Variants in PSPC1 observed in about 807,000 individuals in gnomAD.
PSPC1 encodes paraspeckle component 1, also known as paraspeckle protein 1.
In PSPC1, 14 loss-of-function variants were observed where a neutral mutation model predicts 51.6. The ratio of observed to expected loss-of-function variants is 0.27; its 90% confidence interval spans 0.18 to 0.42. The LOEUF (loss-of-function observed/expected upper bound fraction) is 0.42, where lower values mean the gene tolerates loss of function less well. PSPC1 is among the 10% of genes least tolerant of loss of function. PSPC1 has a pLI of 1.00. For synonymous variants in PSPC1, 193 were observed against 231.9 expected, an observed-to-expected ratio of 0.83 and a Z score of 1.53; for missense variants, 406 against 701.1, an observed-to-expected ratio of 0.58 and a Z score of 4.75.
chr13:19,754,503 T>C (rs962504689), intron 3 of PSPC1, among the ~76,000 whole-genome samples: 3 of 143,732 alleles, frequency 2.1e-5, no homozygotes, highest in African/African-American at 7.8e-5. Context: ...CAGGCTGGAG[T>C]GCAGTGGCAC....
chr13:19,758,738 G>A (rs1228791617), intron 3 of PSPC1, among the ~76,000 whole-genome samples: 1 of 151,912 alleles, frequency 6.6e-6, no homozygotes, highest in Non-Finnish European at 1.5e-5. Context: ...GGGAGGCTGA[G>A]GAAGGAGAAT....
At chr13:19,755,432 A>G (rs1328781828) in intron 3 of PSPC1, among the ~76,000 whole-genome samples, 3 of 151,920 alleles carry the variant, frequency 2.0e-5, no homozygotes, top group Non-Finnish European at 4.4e-5. Flanking sequence ...TACTAAAAAT[A>G]CAACAATTAG....
At chr13:19,722,312 C>T (rs1264306641) in intron 6 of PSPC1, among the ~76,000 whole-genome samples, 1 of 151,470 alleles carries the variant, frequency 6.6e-6, no homozygotes, top group African/African-American at 2.4e-5. Context: ...ACCTAGGGAA[C>T]ACAGTGAGAC....
intron 5 of PSPC1, among the ~76,000 whole-genome samples, chr13:19,735,761 T>C (rs1203705792): frequency 6.6e-6 from 1 of 152,148 alleles, no homozygotes; most frequent in Non-Finnish European, 1.5e-5. Context: ...CTTGCAAATA[T>C]ATATGAGTTC....
intron 6 of PSPC1, among the ~76,000 whole-genome samples, chr13:19,682,313 T>G (rs1877355482): frequency 6.6e-6 from 1 of 152,128 alleles, no homozygotes; most frequent in African/African-American, 2.4e-5. Flanking sequence ...TTTTCAGAAT[T>G]CTAATAAAGC....
chr13:19,705,899 A>C lies in PSPC1; in HGVS notation c.1217-68T>G, dbSNP rs540313886. The C allele has an allele frequency of 1.5e-4, 204 of 1,362,796 alleles. No homozygotes were observed. In the East Asian group the frequency reaches 4.7e-3, roughly 32 times the overall value. 84.4% of individuals were successfully genotyped at this position (1,362,796 alleles called of 1,614,324 possible). A position where few individuals can be genotyped will look rare whatever the true frequency, so the allele number is the denominator to read the frequency against. On this transcript the variant is annotated intron_variant, in intron 7 of 8. Transcript: ENST00000338910. Reference sequence around the variant, plus strand: ...TAGTAAACATTAACAATTTAACAATATTTATGCAATCTATATACCAAGACC... The same window carrying C: ...TAGTAAACATTAACAATTTAACAATCTTTATGCAATCTATATACCAAGACC...
intron 5 of PSPC1, among the ~76,000 whole-genome samples, chr13:19,735,310 T>C (rs1378682128): frequency 1.3e-5 from 2 of 151,814 alleles, no homozygotes; most frequent in African/African-American, 4.8e-5. Flanking sequence ...AAACTCTGTC[T>C]CAAAAAACAA....
At chr13:19,779,979 C>T (rs1339800511) in intron 1 of PSPC1, among the ~76,000 whole-genome samples, 6 of 142,662 alleles carry the variant, frequency 4.2e-5, no homozygotes, top group African/African-American at 5.2e-5. Context: ...GCCCCCCGCC[C>T]GGCCAGCCGC....
intron 6 of PSPC1, among the ~76,000 whole-genome samples, chr13:19,717,832 T>TGTC (rs1882300329): frequency 6.6e-6 from 1 of 150,758 alleles, no homozygotes; most frequent in Non-Finnish European, 1.5e-5. Context: ...GCTGAGATCG[T>TGTC]GCCACTGCAC....
At chr13:19,781,020 G>C (rs988731551) in intron 1 of PSPC1, among the ~76,000 whole-genome samples, 2 of 151,966 alleles carry the variant, frequency 1.3e-5, no homozygotes, top group South Asian at 2.1e-4. Context: ...AGGCAGGCTT[G>C]GGGGTGCGTG....
At chr13:19,710,843 T>A (rs200782632) in intron 6 of PSPC1, among the ~76,000 whole-genome samples, 1 of 19,230 alleles carries the variant, frequency 5.2e-5, no homozygotes, top group Non-Finnish European at 3.0e-4. Context: ...AAAAGCTTAA[T>A]TTTTTTTTTT....
At chr13:19,775,064 C>T (rs1435772750) in intron 1 of PSPC1, among the ~76,000 whole-genome samples, 2 of 151,832 alleles carry the variant, frequency 1.3e-5, no homozygotes, top group Admixed American at 6.6e-5. Context: ...ATAGGCTGGG[C>T]GCAGTGGCTC....
downstream of PSPC1, chr13:19,672,919 G>A (rs1485313735): frequency 2.7e-6 from 1 of 364,696 alleles, no homozygotes; most frequent in Non-Finnish European, 5.3e-6. Context: ...GGTAACATGG[G>A]GTGGAACAAG....
Position 19,751,398 on chromosome 13 carries a change from C to G in PSPC1, c.840G>C (p.Lys280Asn). The stretch of plus-strand genomic sequence containing the variant: ...GCTGCTTTTCCATTTCATCAAGAGC[C>G]TTCCATCGAGATGCATACTCAAATT... The part of the protein sequence containing the change: ...TFEFEYASRW[K>N]ALDEMEKQQR... The change falls in exon 4 of 9, where the codon AAG becomes AAC. Residue 280 changes from lysine (K) to asparagine (N), a missense_variant. Lys to Asn is a moderately conservative substitution (Grantham distance 94). Transcript: ENST00000338910. 2 of 1,591,844 alleles carry G rather than the reference C, an allele frequency of 1.3e-6. No individual in the cohort carries two copies. The highest frequency in any genetic ancestry group is 1.7e-6 in the Non-Finnish European group (2 of 1,172,006).
intron 2 of PSPC1, among the ~76,000 whole-genome samples, chr13:19,766,766 G>A (rs1888114265): frequency 1.3e-5 from 2 of 151,796 alleles, no homozygotes; most frequent in South Asian, 4.1e-4. Context: ...GAGGTGGGAG[G>A]ATGACTTGAG....
chr13:19,742,466 T>C (rs1259690716), intron 4 of PSPC1, among the ~76,000 whole-genome samples: 1 of 151,370 alleles, frequency 6.6e-6, no homozygotes, highest in Non-Finnish European at 1.5e-5. Flanking sequence ...GGGCCAGGTG[T>C]GGTGCCTCAC....
chr13:19,771,011 C>T lies in PSPC1; in HGVS notation c.674+1231G>A, dbSNP rs183207733. Among the ~76,000 whole-genome samples the T allele has an allele frequency of 5.0e-3, 761 of 152,200 alleles. 8 individuals carry two copies. The highest frequency in any genetic ancestry group is 0.018 in the African/African-American group (739 of 41,536). On this transcript the variant is annotated intron_variant, in intron 2 of 8. Coordinates refer to ENST00000338910, the MANE Select transcript of PSPC1 (RefSeq NM_001354909.2). ...AAATAGAGACAGGGTCTCACTGCAA[C>T]TTTGACCTCCTGAGCTCAAGTGATC...
intron 6 of PSPC1, among the ~76,000 whole-genome samples, chr13:19,682,486 C>G (rs1331756077): frequency 1.0e-5 from 1 of 98,628 alleles, no homozygotes; most frequent in African/African-American, 3.9e-5. Flanking sequence ...GGCTGAATGG[C>G]AAAAAAAAAA....
intron 3 of PSPC1, among the ~76,000 whole-genome samples, chr13:19,757,807 C>T (rs921597334): frequency 1.3e-5 from 2 of 152,052 alleles, no homozygotes; most frequent in African/African-American, 2.4e-5. Flanking sequence ...AAGTAAGTGA[C>T]TGGTTTTTAA....
Sources: allele counts gnomAD v4.1 joint callset (sites outside exome capture counted in the v4.1 genomes callset), GRCh38; gene constraint gnomAD v4.1.1; transcripts MANE v1.5; gene names NCBI Gene and HGNC (gene_info 2026-07-23, HGNC 2026-07-21).